Variants in MAST2 observed in about 807,000 individuals in gnomAD.
MAST2 encodes the protein microtubule associated serine/threonine kinase 2, also known as microtubule-associated serine/threonine-protein kinase 2.
Under a neutral mutation model 147.4 loss-of-function variants are expected in MAST2, and 70 were observed. That is an observed-to-expected ratio of 0.47 (90% confidence interval 0.39 to 0.58). The LOEUF (loss-of-function observed/expected upper bound fraction) is 0.58. Ranked by LOEUF, MAST2 falls within the 20% of genes least tolerant of loss-of-function variation. MAST2 has a pLI of 0.00. For synonymous variants in MAST2, 869 were observed against 896.8 expected, an observed-to-expected ratio of 0.97 and a Z score of 0.55; for missense variants, 2,080 against 2,302.3, an observed-to-expected ratio of 0.90 and a Z score of 1.98.
chr1:45,855,934 G>A (rs1645774894), intron 3 of MAST2, among the ~76,000 whole-genome samples: 1 of 152,104 alleles, frequency 6.6e-6, no homozygotes, highest in Admixed American at 6.6e-5. Context: ...GCAAATGCTA[G>A]TTTTACTCAC....
chr1:45,911,731 C>A (rs1259104694), intron 4 of MAST2, among the ~76,000 whole-genome samples: 1 of 150,810 alleles, frequency 6.6e-6, no homozygotes, highest in African/African-American at 2.4e-5. Flanking sequence ...AATAATAGTA[C>A]ATATATCATA....
At chr1:45,940,001 TGAGATGGA>T (rs1656984706) in intron 4 of MAST2, among the ~76,000 whole-genome samples, 3 of 130,416 alleles carry the variant, frequency 2.3e-5, no homozygotes, top group Admixed American at 7.8e-5. Flanking sequence ...TTTTTTTTTT[TGAGATGGA>T]GTTTCGCTCT....
intron 2 of MAST2, among the ~76,000 whole-genome samples, chr1:45,828,031 A>G (rs1644845413): frequency 1.3e-5 from 2 of 151,820 alleles, no homozygotes; most frequent in South Asian, 2.1e-4. Flanking sequence ...AGGTCTTGCT[A>G]TGTAGCGGAG....
At chr1:45,961,146 A>G (rs1214462093) in intron 5 of MAST2, among the ~76,000 whole-genome samples, 1 of 152,134 alleles carries the variant, frequency 6.6e-6, no homozygotes, top group East Asian at 1.9e-4. Flanking sequence ...CTGTCACTTT[A>G]GAAGATACCA....
intron 4 of MAST2, among the ~76,000 whole-genome samples, chr1:45,955,094 G>A (rs1327683468): frequency 3.6e-5 from 5 of 140,320 alleles, no homozygotes; most frequent in African/African-American, 1.3e-4. Context: ...GTATTGAGGA[G>A]TGCAGCAGTA....
intron 4 of MAST2, among the ~76,000 whole-genome samples, chr1:45,952,014 A>G (rs1407533739): frequency 6.6e-6 from 1 of 152,238 alleles, no homozygotes; most frequent in Non-Finnish European, 1.5e-5. Context: ...CCATGAAAAC[A>G]AAGAGAATAT....
chr1:45,847,625 C>T lies in MAST2; in HGVS notation c.468+18044C>T, dbSNP rs184852200. Reference sequence around the variant, plus strand: ...TTTAGGTATAGTGACGTCCTCGCGGCCACAGAGGAGCTCTGCACTCTAGAC... The same window carrying T: ...TTTAGGTATAGTGACGTCCTCGCGGTCACAGAGGAGCTCTGCACTCTAGAC... On this transcript the variant is annotated intron_variant, in intron 3 of 28. Transcript: ENST00000361297. The T allele has an allele frequency of 8.7e-3, 5,384 of 622,200 alleles. 35 individuals carry two copies. Among genetic ancestry groups the T allele is most frequent in the Non-Finnish European group, 9.8e-3 (3,637 of 370,512 alleles). The allele number at this position is 622,200 out of a possible 1,614,324, so 38.5% of individuals were successfully genotyped here.
At chr1:45,962,193 C>T (rs971594697) in intron 5 of MAST2, among the ~76,000 whole-genome samples, 2 of 152,154 alleles carry the variant, frequency 1.3e-5, no homozygotes, top group African/African-American at 4.8e-5. Context: ...GGGTTGGTTC[C>T]AAGCCTTTGC....
At chr1:45,893,677 G>A (rs1278057530) in intron 4 of MAST2, among the ~76,000 whole-genome samples, 14 of 150,986 alleles carry the variant, frequency 9.3e-5, no homozygotes, top group African/African-American at 2.9e-4. Context: ...ACTCAGAAAC[G>A]TTATGGATAA....
chr1:45,811,338 ATTTTTTT>A (rs57495413), intron 1 of MAST2, among the ~76,000 whole-genome samples: 4 of 113,004 alleles, frequency 3.5e-5, no homozygotes, highest in African/African-American at 1.4e-4. Context: ...GTATTTTTGT[ATTTTTTT>A]TTTTTTTTTT....
chr1:46,025,676 G>C lies in MAST2; in HGVS notation c.1781-1G>C. On this transcript the variant is annotated splice_acceptor_variant, in intron 15 of 28. Coordinates refer to ENST00000361297, the MANE Select transcript of MAST2 (RefSeq NM_015112.3). LOFTEE classifies it high-confidence loss of function. Reference sequence around the variant, plus strand: ...CTCATGGTAGCCTGGGCTTGTTGCAGGGGGAGACTGTGCCACTCTGCTGAA... The same window carrying C: ...CTCATGGTAGCCTGGGCTTGTTGCACGGGGAGACTGTGCCACTCTGCTGAA... 1 of 1,614,078 alleles carries C rather than the reference G, an allele frequency of 6.2e-7. No individual in the cohort carries two copies. The highest frequency in any genetic ancestry group is 8.5e-7 in the Non-Finnish European group (1 of 1,180,030).
At chr1:45,938,851 T>G (rs1656688046) in intron 4 of MAST2, among the ~76,000 whole-genome samples, 1 of 152,166 alleles carries the variant, frequency 6.6e-6, no homozygotes, top group Non-Finnish European at 1.5e-5. Context: ...TTGTATATCT[T>G]TTTTGGTGGA....
intron 1 of MAST2, among the ~76,000 whole-genome samples, chr1:45,814,473 G>A (rs1644394195): frequency 6.6e-6 from 1 of 152,084 alleles, no homozygotes; most frequent in South Asian, 2.1e-4. Context: ...AGTAAAAAAA[G>A]AAAATTTTTT....
chr1:45,855,699 G>A (rs925373245), intron 3 of MAST2, among the ~76,000 whole-genome samples: 3 of 152,032 alleles, frequency 2.0e-5, no homozygotes, highest in Non-Finnish European at 2.9e-5. Context: ...TTCGTGTGCC[G>A]ATCTTGTATC....
At chr1:45,817,424 A>G (rs1570200906) in intron 1 of MAST2, among the ~76,000 whole-genome samples, 2 of 152,348 alleles carry the variant, frequency 1.3e-5, no homozygotes, top group South Asian at 2.1e-4. Context: ...GAGAGGCATG[A>G]CATATTTAAA....
At chr1:46,034,477 C>T in intron 28 of MAST2, 61 bp from the exon 29 acceptor site, 1 of 1,524,314 alleles carries the variant, frequency 6.6e-7, no homozygotes, top group Non-Finnish European at 8.9e-7. Context: ...GCCCTTGAGT[C>T]ACTTCTAACA....
intron 27 of MAST2, 52 bp downstream of exon 27, chr1:46,033,990 A>T (rs1397399592): frequency 1.2e-6 from 2 of 1,609,258 alleles, no homozygotes; most frequent in Non-Finnish European, 1.7e-6. Context: ...GAGTGCTGGT[A>T]CGTGGTGGGT....
intron 3 of MAST2, among the ~76,000 whole-genome samples, chr1:45,857,850 G>GTTTT (rs35371770): frequency 2.4e-4 from 16 of 66,572 alleles, no homozygotes; most frequent in East Asian, 4.4e-4. Flanking sequence ...AACATGCGGT[G>GTTTT]TTTTTTTTTT....
chr1:45,942,369 A>G (rs1657426425), intron 4 of MAST2, among the ~76,000 whole-genome samples: 1 of 152,146 alleles, frequency 6.6e-6, no homozygotes, highest in Non-Finnish European at 1.5e-5. Flanking sequence ...AGTTTTCTTC[A>G]GTAAAGCTAC....
Sources: allele counts gnomAD v4.1 joint callset (sites outside exome capture counted in the v4.1 genomes callset), GRCh38; gene constraint gnomAD v4.1.1; transcripts MANE v1.5; gene names NCBI Gene and HGNC (gene_info 2026-07-23, HGNC 2026-07-21).